The following SASH1 variants were observed in gnomAD, a reference collection of about 807,000 sequenced individuals.
The protein encoded by SASH1 is SAM and SH3 domain-containing protein 1.
Under a neutral mutation model 125.2 loss-of-function variants are expected in SASH1, and 44 were observed. That is an observed-to-expected ratio of 0.35 (90% CI 0.28 to 0.45). The LOEUF is 0.45. SASH1 is among the 20% of genes least tolerant of loss of function. The probability of loss-of-function intolerance (pLI) is 1.00; values close to 1 mark genes in which losing one functional copy is unlikely to be tolerated. For synonymous variants in SASH1, 639 were observed against 649.1 expected (o/e 0.98, Z 0.24); for missense variants, 1,426 against 1,614.5 (o/e 0.88, Z 2.00).
the SASH1 span, among the ~76,000 whole-genome samples, chr6:148,194,248 A>G: frequency 2.2e-4 from 33 of 152,304 alleles, no homozygotes; most frequent in African/African-American, 7.9e-4. Flanking sequence ...ATGTCATTTT[A>G]TAGTGGAGTA....
At chr6:148,516,097 T>G (rs1780420613) in intron 9 of SASH1, among the ~76,000 whole-genome samples, 1 of 152,216 alleles carries the variant, frequency 6.6e-6, no homozygotes, top group African/African-American at 2.4e-5. Flanking sequence ...AGGAAAAATA[T>G]AGCAAAAGGG....
rs1385396585 is a variant in SASH1, at chr6:148,532,137, T to C, written c.1564+476T>C. 3.3e-5 allele frequency among the ~76,000 whole-genome samples: 5 copies of C among 152,140 alleles called. No homozygotes were observed. The highest frequency in any genetic ancestry group is 6.5e-5 in the Admixed American group (1 of 15,282). ...CTGTCTCCCAGGCTGGAGTGCAGTG[T>C]TGTGATCTCAGCTCACTGCAACCTT... On this transcript the variant is annotated intron_variant, in intron 13 of 19. Coordinates refer to ENST00000367467, the MANE Select transcript of SASH1 (RefSeq NM_015278.5). The surrounding 1 kb of genome is among the most constrained non-coding windows in gnomAD (Gnocchi z 4.7).
At chr6:148,446,085 G>GTTT (rs1562416326) in intron 4 of SASH1, among the ~76,000 whole-genome samples, 1 of 108,864 alleles carries the variant, frequency 9.2e-6, no homozygotes. Context: ...ACAACATAGG[G>GTTT]TTCTTTTTTT....
At chr6:148,508,767 A>G in intron 8 of SASH1, 4 of 1,240,722 alleles carry the variant, frequency 3.2e-6, no homozygotes, top group Non-Finnish European at 4.1e-6. Flanking sequence ...TAATTTTGAG[A>G]TTGCGGAGTT....
intron 12 of SASH1, 84 bp from the exon 13 acceptor site, chr6:148,531,442 C>T (rs1055140303): frequency 3.0e-5 from 37 of 1,231,106 alleles, no homozygotes; most frequent in African/African-American, 1.4e-4. Context: ...TGATTGATTT[C>T]GTTGAAGGCC....
chr6:148,433,245 G>A (rs1776136047), intron 2 of SASH1, among the ~76,000 whole-genome samples: 1 of 151,890 alleles, frequency 6.6e-6, no homozygotes, highest in African/African-American at 2.4e-5. Flanking sequence ...CCATACTATA[G>A]CGGAGCCTCT....
rs201440091 is a variant in SASH1 at position 148,519,584 on chromosome 6, G to C, written c.900G>C (p.Leu300=). 209 of 1,614,052 alleles carry C rather than the reference G, an allele frequency of 1.3e-4. No individual in the cohort carries two copies. The highest frequency in any genetic ancestry group is 1.7e-4 in the Non-Finnish European group (195 of 1,180,032). The change falls in exon 10 of 20, where the codon CTG becomes CTC. Residue 300 remains leucine, a synonymous_variant. Transcript: ENST00000367467. The surrounding 1 kb of genome is among the most constrained non-coding windows in gnomAD (Gnocchi z 4.8). ...EEHVFENSPV[L]DERSALYSGV... is the part of the protein sequence containing the mutation. ...ACGTGTTTGAGAATTCGCCGGTCCT[G>C]GATGAACGGTCCGCCCTCTACTCTG...
intron 9 of SASH1, 53 bp downstream of exon 9, chr6:148,514,509 C>T: frequency 7.3e-7 from 1 of 1,366,124 alleles, no homozygotes; most frequent in Non-Finnish European, 9.5e-7. Context: ...CCTGGTTATT[C>T]CAAAAGAAAT....
rs556059714 is a variant in SASH1, at chr6:148,533,178, G to C, written c.1734+212G>C. On this transcript the variant is annotated intron_variant, in intron 14 of 19. Coordinates refer to ENST00000367467, the MANE Select transcript of SASH1 (RefSeq NM_015278.5). The surrounding 1 kb of genome is among the most constrained non-coding windows in gnomAD (Gnocchi z 6.2). ...GGGAGGGTCTCGTGTTAATCCCTGG[G>C]TTAGCATCACTTCACCCCTCTGACC... Among the ~76,000 whole-genome samples the C allele has an allele frequency of 6.6e-6, 1 of 152,226 alleles. No homozygotes were observed. The highest frequency in any genetic ancestry group is 2.1e-4 in the South Asian group (1 of 4,814).
Position 148,544,376 on chromosome 6 carries a change from G to C in SASH1, c.2906G>C (p.Gly969Ala). The change falls in exon 18 of 20, where the codon GGG becomes GCG. Residue 969 changes from glycine to alanine, a missense_variant. By Grantham distance (60) the Gly-to-Ala change is moderately conservative (BLOSUM62 0). Transcript: ENST00000367467. This position sits in a 1 kb window ranked among gnomAD's most constrained non-coding sequence, Gnocchi z 6.4. Reference sequence around the variant, plus strand: ...CACCATCCCCTGGGCACCAAAGAAGGGGTAGATGCTGAGCAGAGAATGCAG... The same window carrying C: ...CACCATCCCCTGGGCACCAAAGAAGCGGTAGATGCTGAGCAGAGAATGCAG... ...GTHHPLGTKE[G>A]VDAEQRMQPK... 1.2e-6 allele frequency: 2 copies of C among 1,614,096 alleles called. No homozygotes were observed. Among genetic ancestry groups the C allele is most frequent in the African/African-American group, 2.7e-5 (2 of 75,020 alleles).
intron 1 of SASH1, among the ~76,000 whole-genome samples, chr6:148,382,525 G>A (rs913308383): frequency 7.9e-5 from 12 of 152,152 alleles, no homozygotes; most frequent in Non-Finnish European, 1.8e-4. Context: ...CCCGACCTCA[G>A]GTGATCCACC....
At chr6:148,396,822 G>C (rs575844919) in intron 2 of SASH1, among the ~76,000 whole-genome samples, 1 of 152,224 alleles carries the variant, frequency 6.6e-6, no homozygotes, top group African/African-American at 2.4e-5. Flanking sequence ...ACCTCTCCTG[G>C]CCTCAGTTTC....
chr6:148,417,939 G>A (rs763859755), intron 2 of SASH1, among the ~76,000 whole-genome samples: 8 of 152,152 alleles, frequency 5.3e-5, no homozygotes, highest in Non-Finnish European at 7.3e-5. Flanking sequence ...ACCAGAAAGC[G>A]CTACAGAAGC....
chr6:148,446,148 G>T (rs748053118), intron 4 of SASH1, among the ~76,000 whole-genome samples: 4 of 112,734 alleles, frequency 3.5e-5, no homozygotes, highest in South Asian at 3.3e-4. Flanking sequence ...TCACTCTGTC[G>T]CCCAGGCTGG....
At chr6:148,266,493 A>G in the SASH1 span, among the ~76,000 whole-genome samples, 1 of 152,204 alleles carries the variant, frequency 6.6e-6, no homozygotes, top group Non-Finnish European at 1.5e-5. Flanking sequence ...AAGATAATGC[A>G]TGTAGAGCTC....
chr6:148,417,581 C>CAAAAAAAAAAA (rs1356946579), intron 2 of SASH1, among the ~76,000 whole-genome samples: 1 of 68,606 alleles, frequency 1.5e-5, no homozygotes, highest in African/African-American at 5.0e-5. Flanking sequence ...GGGACTCTGT[C>CAAAAAAAAAAA]AAAATAAATA....
intron 1 of SASH1, among the ~76,000 whole-genome samples, chr6:148,364,420 T>C (rs13192513): frequency 6.6e-6 from 1 of 152,130 alleles, no homozygotes; most frequent in Admixed American, 6.6e-5. Context: ...GAGAGGACCA[T>C]ACTCAATTAA....
chr6:148,512,807 A>G, intron 8 of SASH1: 1 of 985,126 alleles, frequency 1.0e-6, no homozygotes, highest in Non-Finnish European at 1.2e-6. Context: ...ATAGATATTA[A>G]TACACTTTAC....
intron 1 of SASH1, among the ~76,000 whole-genome samples, chr6:148,345,108 AGTCACTGAGGAAATTGGTTT>A (rs1421811760): frequency 6.6e-6 from 1 of 152,194 alleles, no homozygotes; most frequent in Non-Finnish European, 1.5e-5. Context: ...CTAAGTTTTC[AGTCACTGAGGAAATTGGTTT>A]GATAATATCC....
Sources: gnomAD v4.1 joint callset for allele counts (sites outside exome capture counted in the v4.1 genomes callset) on GRCh38, gnomAD v4.1.1 for gene constraint, Gnocchi (gnomAD v3.1) non-coding constraint, MANE v1.5 for transcripts, NCBI Gene and HGNC (gene_info 2026-07-23, HGNC 2026-07-21) for gene names.